CLINT1: variants seen among roughly 807,000 people sequenced by gnomAD.
CLINT1 encodes the protein clathrin interacting protein localized in the trans-Golgi region.
Under a neutral mutation model 70.4 loss-of-function variants are expected in CLINT1, and 15 were observed. The ratio of observed to expected loss-of-function variants is 0.21; its 90% CI spans 0.14 to 0.33. The LOEUF (loss-of-function observed/expected upper bound fraction) is 0.33, where lower values mean the gene tolerates loss of function less well. Among genes scored for constraint, CLINT1 ranks in the 10% least tolerant of loss-of-function variants. CLINT1 has a pLI of 1.00. For synonymous variants in CLINT1, 227 were observed against 254.7 expected, an observed-to-expected ratio of 0.89 and a Z score of 1.04; for missense variants, 615 against 778.1, an observed-to-expected ratio of 0.79 and a Z score of 2.49.
At chr5:157,802,933 A>G (rs1762272812) in intron 8 of CLINT1, among the ~76,000 whole-genome samples, 5 of 152,228 alleles carry the variant, frequency 3.3e-5, no homozygotes, top group Admixed American at 3.3e-4. Context: ...ATCACTAGAT[A>G]ACTATTTGTG....
At chr5:157,824,834 CTG>C (rs1285347240) in intron 1 of CLINT1, among the ~76,000 whole-genome samples, 1 of 152,140 alleles carries the variant, frequency 6.6e-6, no homozygotes. Context: ...TTATGTCACA[CTG>C]TACTAAAATC....
chr5:157,853,182 T>C (rs1753631288), intron 1 of CLINT1, among the ~76,000 whole-genome samples: 2 of 151,618 alleles, frequency 1.3e-5, no homozygotes, highest in East Asian at 2.0e-4. Context: ...ACCCCGTCTC[T>C]ACAAAAATTA....
intron 1 of CLINT1, among the ~76,000 whole-genome samples, chr5:157,818,700 A>G (rs955395176): frequency 6.6e-6 from 1 of 152,122 alleles, no homozygotes; most frequent in African/African-American, 2.4e-5. Flanking sequence ...GGAGTATTTC[A>G]AAACATTATG....
chr5:157,844,317 C>A (rs557626729), intron 1 of CLINT1, among the ~76,000 whole-genome samples: 2 of 152,104 alleles, frequency 1.3e-5, no homozygotes, highest in African/African-American at 2.4e-5. Flanking sequence ...GACCTTCTTT[C>A]GTTTATGACA....
intron 1 of CLINT1, among the ~76,000 whole-genome samples, chr5:157,853,122 C>A (rs571237266): frequency 5.7e-4 from 86 of 151,704 alleles, no homozygotes; most frequent in Non-Finnish European, 9.1e-4. Flanking sequence ...CTAAGGCAGG[C>A]AGATCACATG....
At chr5:157,856,465 T>C (rs545898185) in intron 1 of CLINT1, among the ~76,000 whole-genome samples, 1 of 152,230 alleles carries the variant, frequency 6.6e-6, no homozygotes, top group Non-Finnish European at 1.5e-5. Context: ...TATTGATCCA[T>C]CTATCTGAAT....
intron 1 of CLINT1, among the ~76,000 whole-genome samples, chr5:157,838,403 G>T (rs10214213): frequency 0.015 from 2,258 of 152,246 alleles, 55 homozygotes; most frequent in African/African-American, 0.051. Flanking sequence ...GATTACAGGC[G>T]TGAGCCACAG....
chr5:157,859,122 G>C lies in CLINT1; in HGVS notation c.-152C>G. On this transcript the variant is annotated 5_prime_UTR_variant, in exon 1 of 12. Transcript: ENST00000411809. ...CTCCTTCCTTTGCCACAGCAGCGGC[G>C]CCGCCGGTGACACGTCGAGACGCGG... The C allele has an allele frequency of 1.4e-6, 1 of 729,790 alleles. No individual in the cohort carries two copies. The allele number at this position is 729,790 out of a possible 1,614,324, so 45.2% of individuals were successfully genotyped here.
chr5:157,847,801 A>G lies in CLINT1; in HGVS notation c.41+11129T>C, dbSNP rs138346362. Among the ~76,000 whole-genome samples, 20 of 152,312 alleles carry G rather than the reference A, an allele frequency of 1.3e-4. No homozygotes were observed. The East Asian group carries it at 2.3e-3, about 18-fold the overall frequency. ...ACTGCCAGTGAAGAACATGGTTAAA[A>G]TGACAACAAAGATTTTTCTTGTTTT... On this transcript the variant is annotated intron_variant, in intron 1 of 11. Coordinates refer to ENST00000411809, the MANE Select transcript of CLINT1 (RefSeq NM_014666.4).
intron 1 of CLINT1, among the ~76,000 whole-genome samples, chr5:157,829,751 AG>A (rs1373639265): frequency 2.3e-5 from 3 of 132,678 alleles, no homozygotes; most frequent in African/African-American, 8.7e-5. Context: ...CATGTTGCCT[AG>A]GCTGGTCTCA....
intron 11 of CLINT1, among the ~76,000 whole-genome samples, chr5:157,788,507 G>A (rs983748121): frequency 3.9e-5 from 6 of 152,088 alleles, no homozygotes; most frequent in African/African-American, 1.2e-4. Flanking sequence ...CAAATAGCTG[G>A]AAACAATTGA....
intron 10 of CLINT1, among the ~76,000 whole-genome samples, chr5:157,791,032 G>GT (rs1260846841): frequency 3.9e-5 from 6 of 151,998 alleles, no homozygotes; most frequent in Non-Finnish European, 7.4e-5. Context: ...GATACTTGCC[G>GT]TAAGTGAAAC....
At chr5:157,848,833 T>C (rs1753473597) in intron 1 of CLINT1, among the ~76,000 whole-genome samples, 1 of 151,172 alleles carries the variant, frequency 6.6e-6, no homozygotes, top group Non-Finnish European at 1.5e-5. Context: ...AGCTAATTTT[T>C]GTATTTTTAG....
intron 1 of CLINT1, among the ~76,000 whole-genome samples, chr5:157,818,649 C>CA (rs1010401458): frequency 1.3e-5 from 2 of 151,412 alleles, no homozygotes; most frequent in Admixed American, 6.6e-5. Flanking sequence ...ACCCTGTCTC[C>CA]AAAAAACAAA....
chr5:157,804,453 A>G (rs1762327150), intron 7 of CLINT1, among the ~76,000 whole-genome samples: 1 of 152,172 alleles, frequency 6.6e-6, no homozygotes, highest in Non-Finnish European at 1.5e-5. Flanking sequence ...TTATTAGGCA[A>G]TGGGGAAACC....
intron 3 of CLINT1, among the ~76,000 whole-genome samples, chr5:157,816,000 C>A (rs924418614): frequency 2.0e-5 from 3 of 151,976 alleles, no homozygotes; most frequent in African/African-American, 7.3e-5. Flanking sequence ...TTTAAAAAAC[C>A]AAAAAACTAA....
At chr5:157,823,682 T>C (rs1057224177) in intron 1 of CLINT1, 3 of 539,754 alleles carry the variant, frequency 5.6e-6, no homozygotes, top group Non-Finnish European at 7.1e-6. Context: ...GATACTTTTA[T>C]AAATTAAATG....
intron 1 of CLINT1, among the ~76,000 whole-genome samples, chr5:157,841,761 T>G (rs1269036755): frequency 6.6e-6 from 1 of 152,062 alleles, no homozygotes; most frequent in Non-Finnish European, 1.5e-5. Context: ...GCTGGGACTA[T>G]AGGCGTGCAT....
intron 1 of CLINT1, 46 bp downstream of exon 1, chr5:157,858,884 C>A: frequency 1.7e-6 from 1 of 587,688 alleles, no homozygotes; most frequent in South Asian, 1.6e-5. Flanking sequence ...TCCCCCTCCC[C>A]CCTCCCCCAC....
Sources: allele counts gnomAD v4.1 joint callset (sites outside exome capture counted in the v4.1 genomes callset), GRCh38; gene constraint gnomAD v4.1.1; transcripts MANE v1.5; gene names NCBI Gene and HGNC (gene_info 2026-07-23, HGNC 2026-07-21).